The following FBLN7 variants were observed in gnomAD, a reference collection of about 807,000 sequenced individuals.
FBLN7 encodes fibulin 7.
In FBLN7, 31 loss-of-function variants were observed where a neutral mutation model predicts 44.0. The ratio of observed to expected loss-of-function variants is 0.70; its 90% CI spans 0.53 to 0.95. The LOEUF (loss-of-function observed/expected upper bound fraction) is 0.95. FBLN7 is among the 40% of genes least tolerant of loss of function. The pLI is 0.00. For synonymous variants in FBLN7, 262 were observed against 253.4 expected, an observed-to-expected ratio of 1.03 and a Z score of -0.32; for missense variants, 573 against 618.5, an observed-to-expected ratio of 0.93 and a Z score of 0.78.
chr2:112,149,856 A>G (rs944859906), intron 1 of FBLN7, among the ~76,000 whole-genome samples: 1 of 152,196 alleles, frequency 6.6e-6, no homozygotes, highest in Non-Finnish European at 1.5e-5. Context: ...CAAGGAAGTA[A>G]TCATCTCTCC....
At chr2:112,164,264 G>T (rs745746666) in intron 2 of FBLN7, among the ~76,000 whole-genome samples, 1 of 152,182 alleles carries the variant, frequency 6.6e-6, no homozygotes, top group Admixed American at 6.5e-5. Context: ...TCATTCATTT[G>T]TTCAAGAATG....
rs1181518636 is a variant in FBLN7, at chr2:112,181,859, G to A, written c.653G>A (p.Gly218Asp). The A allele has an allele frequency of 6.5e-7, 1 of 1,530,046 alleles. No individual in the cohort carries two copies. The highest frequency in any genetic ancestry group is 2.0e-5 in the Admixed American group (1 of 50,242). The allele number at this position is 1,530,046 out of a possible 1,614,324, so 94.8% of individuals were successfully genotyped here. ...EAGFHLSGAA[G>D]DSVCQDVNEC... The stretch of plus-strand genomic sequence containing the variant: ...GGATTCCACCTGAGCGGCGCCGCCG[G>A]CGACAGCGTCTGCCAGGGTAGGCGC... The change falls in exon 5 of 8, where the codon GGC (glycine) becomes GAC (aspartate). Residue 218 changes from glycine to aspartate, a missense_variant. By Grantham distance (94) the Gly-to-Asp change is moderately conservative (BLOSUM62 -1). Coordinates refer to ENST00000331203, the MANE Select transcript of FBLN7 (RefSeq NM_153214.3).
At chr2:112,220,778 G>A in the FBLN7 span, among the ~76,000 whole-genome samples, 1 of 152,192 alleles carries the variant, frequency 6.6e-6, no homozygotes, top group African/African-American at 2.4e-5. Context: ...CTGAGATCGT[G>A]CCATTGCACT....
intron 2 of FBLN7, among the ~76,000 whole-genome samples, chr2:112,161,960 C>T (rs571107500): frequency 1.4e-4 from 21 of 152,280 alleles, no homozygotes; most frequent in African/African-American, 4.3e-4. Context: ...GGGTTGGGCC[C>T]GCACCTGGAG....
Position 112,149,501 on chromosome 2 carries a change from C to T in FBLN7, c.76-10175C>T, listed in dbSNP as rs150494809. ...CCCTCCATATGCTGGCTCAGACCTG[C>T]CTCTCAGCCAGCGGTGCCAGGATCA... On this transcript the variant is annotated intron_variant, in intron 1 of 7. Transcript: ENST00000331203. Among the ~76,000 whole-genome samples the T allele has an allele frequency of 9.2e-3, 1,403 of 152,288 alleles. 18 individuals carry two copies. Among genetic ancestry groups the T allele is most frequent in the Non-Finnish European group, 9.6e-3 (652 of 68,026 alleles).
chr2:112,197,336 G>A, the FBLN7 span, among the ~76,000 whole-genome samples: 1 of 150,034 alleles, frequency 6.7e-6, no homozygotes, highest in Non-Finnish European at 1.5e-5. Context: ...GAGAGAGAGA[G>A]AAAAGACAGA....
the FBLN7 span, among the ~76,000 whole-genome samples, chr2:112,229,508 C>G: frequency 6.6e-6 from 1 of 152,158 alleles, no homozygotes; most frequent in African/African-American, 2.4e-5. Context: ...GCTTTGCCCT[C>G]TTGAGTTTCT....
chr2:112,238,316 C>T, the FBLN7 span: 18,499 of 1,612,938 alleles, frequency 0.011, 157 homozygotes, highest in Non-Finnish European at 0.014. Context: ...GACTCTTACC[C>T]TGTGGGGTAT....
intron 1 of FBLN7, among the ~76,000 whole-genome samples, chr2:112,145,463 T>C (rs1680858817): frequency 6.6e-6 from 1 of 152,164 alleles, no homozygotes; most frequent in Non-Finnish European, 1.5e-5. Context: ...TTATATATTC[T>C]AAATACAAAG....
intron 7 of FBLN7, among the ~76,000 whole-genome samples, chr2:112,186,506 G>T (rs1477207100): frequency 6.6e-6 from 1 of 152,154 alleles, no homozygotes; most frequent in Non-Finnish European, 1.5e-5. Flanking sequence ...TGGGCGTGGT[G>T]GTGGGCACCT....
intron 4 of FBLN7, 84 bp downstream of exon 4, chr2:112,175,923 T>C: frequency 6.6e-7 from 1 of 1,512,754 alleles, no homozygotes; most frequent in Admixed American, 2.0e-5. Context: ...AATGCAGACA[T>C]GTAGGGAGCT....
chr2:112,236,822 G>T, the FBLN7 span: 1 of 878,844 alleles, frequency 1.1e-6, no homozygotes, highest in Non-Finnish European at 1.7e-6. Context: ...TGAGGCAGGA[G>T]GACTGCTCAA....
chr2:112,155,994 C>T (rs1405784698), intron 1 of FBLN7, among the ~76,000 whole-genome samples: 4 of 152,308 alleles, frequency 2.6e-5, no homozygotes, highest in East Asian at 1.9e-4. Context: ...GCTGCGGCTC[C>T]GCGAACCCAC....
intron 3 of FBLN7, among the ~76,000 whole-genome samples, chr2:112,165,963 A>G (rs1037583277): frequency 6.6e-6 from 1 of 152,278 alleles, no homozygotes; most frequent in Non-Finnish European, 1.5e-5. Flanking sequence ...CAGAATGTCC[A>G]TGATTCTAGC....
chr2:112,230,877 A>G, the FBLN7 span: 54 of 1,290,256 alleles, frequency 4.2e-5, no homozygotes, highest in Non-Finnish European at 5.4e-5. Flanking sequence ...CAAGAAAAAA[A>G]GAAATGTGGT....
the FBLN7 span, chr2:112,213,144 A>T: frequency 6.6e-6 from 1 of 151,592 alleles, no homozygotes; most frequent in African/African-American, 2.4e-5. Flanking sequence ...TAATTTAAAA[A>T]TTTTTTGTAA....
At chr2:112,175,681 A>T in intron 3 of FBLN7, 33 bp from the exon 4 acceptor site, 1 of 1,612,988 alleles carries the variant, frequency 6.2e-7, no homozygotes, top group Non-Finnish European at 8.5e-7. Context: ...TAGAACTCAC[A>T]TCCGTATATT....
intron 4 of FBLN7, chr2:112,177,215 T>C (rs920324787): frequency 1.3e-5 from 2 of 152,310 alleles, no homozygotes; most frequent in African/African-American, 4.8e-5. Flanking sequence ...GGATTACAGG[T>C]GTGAGCCACC....
At chr2:112,175,500 T>C (rs1682695065) in intron 3 of FBLN7, among the ~76,000 whole-genome samples, 1 of 152,216 alleles carries the variant, frequency 6.6e-6, no homozygotes, top group South Asian at 2.1e-4. Flanking sequence ...GTGCAGGGCC[T>C]GCTGAATGGA....
Sources: allele counts gnomAD v4.1 joint callset (sites outside exome capture counted in the v4.1 genomes callset), GRCh38; gene constraint gnomAD v4.1.1; transcripts MANE v1.5; gene names NCBI Gene and HGNC (gene_info 2026-07-23, HGNC 2026-07-21).